Variants in SCUBE1 observed in about 807,000 individuals in gnomAD.
SCUBE1 encodes signal peptide, CUB domain and EGF like domain containing 1.
Under a neutral mutation model 124.4 loss-of-function variants are expected in SCUBE1, and 59 were observed. The observed-to-expected ratio is 0.47, with a 90% CI of 0.38 to 0.59. SCUBE1 has a LOEUF of 0.59. Among genes scored for constraint, SCUBE1 ranks in the 20% least tolerant of loss-of-function variants. The pLI is 0.00. For missense variants in SCUBE1, 1,150 were observed against 1,371.2 expected (o/e 0.84, Z 2.55); for synonymous variants, 545 against 550.9 (o/e 0.99, Z 0.15).
At chr22:43,208,027 C>T (rs1346134180) in intron 20 of SCUBE1, 45 bp downstream of exon 20, 2 of 1,607,392 alleles carry the variant, frequency 1.2e-6, no homozygotes, top group Admixed American at 1.7e-5. Context: ...CTCCAGGGCC[C>T]CGCCTGAGCC....
chr22:43,278,871 G>A (rs903601789), intron 4 of SCUBE1, among the ~76,000 whole-genome samples: 4 of 152,176 alleles, frequency 2.6e-5, no homozygotes, highest in African/African-American at 9.7e-5. Flanking sequence ...AAAGCTCCAG[G>A]AGGGTGGAGC....
At chr22:43,309,076 G>A (rs1311690080) in intron 3 of SCUBE1, among the ~76,000 whole-genome samples, 2 of 152,050 alleles carry the variant, frequency 1.3e-5, no homozygotes, top group African/African-American at 2.4e-5. Flanking sequence ...GAGGAGCAGG[G>A]CCCAGGCAAA....
intron 3 of SCUBE1, among the ~76,000 whole-genome samples, chr22:43,306,671 C>G (rs1020173896): frequency 2.6e-5 from 4 of 152,164 alleles, no homozygotes; most frequent in Non-Finnish European, 4.4e-5. Flanking sequence ...CCATGTGCCA[C>G]CTTCCTTCAC....
chr22:43,333,485 C>T (rs1926966861), intron 2 of SCUBE1, among the ~76,000 whole-genome samples: 1 of 152,188 alleles, frequency 6.6e-6, no homozygotes, highest in Admixed American at 6.5e-5. Flanking sequence ...GGGCAGGTGG[C>T]CTCCAGGGCT....
chr22:43,322,146 G>A (rs1480414096), intron 2 of SCUBE1, among the ~76,000 whole-genome samples: 1 of 152,054 alleles, frequency 6.6e-6, no homozygotes, highest in African/African-American at 2.4e-5. Context: ...ACCATGCCCG[G>A]CTAATTTTTT....
intron 7 of SCUBE1, 29 bp from the exon 8 acceptor site, chr22:43,231,904 G>C: frequency 1.9e-6 from 3 of 1,606,500 alleles, no homozygotes; most frequent in Admixed American, 1.7e-5. Context: ...ATGGAGGAGT[G>C]AGAGCCAGGA....
At chr22:43,338,430 G>C (rs1004152003) in intron 2 of SCUBE1, among the ~76,000 whole-genome samples, 1 of 152,186 alleles carries the variant, frequency 6.6e-6, no homozygotes, top group East Asian at 1.9e-4. Flanking sequence ...TGGGGGTCGG[G>C]GGGCAAGCCC....
intron 14 of SCUBE1, among the ~76,000 whole-genome samples, chr22:43,219,199 G>A (rs1346162155): frequency 6.6e-6 from 1 of 152,172 alleles, no homozygotes; most frequent in Non-Finnish European, 1.5e-5. Context: ...ATGGCCTGGT[G>A]TGGTAGTCAG....
chr22:43,319,829 C>G, intron 3 of SCUBE1, 108 bp downstream of exon 3: 1 of 1,393,824 alleles, frequency 7.2e-7, no homozygotes, highest in East Asian at 2.4e-5. Context: ...CAAACTAATA[C>G]AGGAAGCCAA....
chr22:43,225,807 T>G (rs768694341), intron 10 of SCUBE1, among the ~76,000 whole-genome samples: 13 of 151,992 alleles, frequency 8.6e-5, no homozygotes, highest in Non-Finnish European at 1.5e-4. Context: ...CACAGAGCAA[T>G]GACCCCCTAA....
At chr22:43,233,181 G>A (rs1029246098) in intron 7 of SCUBE1, among the ~76,000 whole-genome samples, 2 of 152,138 alleles carry the variant, frequency 1.3e-5, no homozygotes, top group South Asian at 4.1e-4. Flanking sequence ...CCTGGCCAAC[G>A]CGGAGAAACC....
Position 43,198,589 on chromosome 22 carries a change from C to A in SCUBE1, c.*5408G>T. The stretch of plus-strand genomic sequence containing the variant: ...ACTCCACCCCTCATTACATCCTCTG[C>A]CCTTGGCCTGAATGATGTCGGCTCG... On this transcript the variant is annotated 3_prime_UTR_variant, in exon 22 of 22. Transcript: ENST00000360835. 1 of 456,776 alleles carries A rather than the reference C, an allele frequency of 2.2e-6. No individual in the cohort carries two copies. Among genetic ancestry groups the A allele is most frequent in the Non-Finnish European group, 4.4e-6 (1 of 226,988 alleles). 28.3% of individuals were successfully genotyped at this position (456,776 alleles called of 1,614,324 possible). A position where few individuals can be genotyped will look rare whatever the true frequency, so the allele number is the denominator to read the frequency against.
chr22:43,330,968 G>A (rs937403752), intron 2 of SCUBE1, among the ~76,000 whole-genome samples: 4 of 152,064 alleles, frequency 2.6e-5, no homozygotes, highest in East Asian at 3.8e-4. Flanking sequence ...GCCTCCCACC[G>A]CCTACTGCCT....
At chr22:43,217,542 C>T (rs1463221700) in intron 15 of SCUBE1, among the ~76,000 whole-genome samples, 3 of 152,146 alleles carry the variant, frequency 2.0e-5, no homozygotes, top group Admixed American at 6.5e-5. Context: ...CGTAAGAGCG[C>T]GCATGAGCCT....
intron 2 of SCUBE1, among the ~76,000 whole-genome samples, chr22:43,324,945 T>G (rs1926673014): frequency 6.8e-6 from 1 of 146,154 alleles, no homozygotes; most frequent in South Asian, 2.3e-4. Flanking sequence ...CAAGTTCAGA[T>G]GAGGTCATAC....
chr22:43,264,701 G>C (rs1048165041), intron 4 of SCUBE1, among the ~76,000 whole-genome samples: 4 of 152,350 alleles, frequency 2.6e-5, no homozygotes, highest in Non-Finnish European at 4.4e-5. Flanking sequence ...TGCTGTTCCA[G>C]CTTCTTCACA....
At position 43,322,467 on chromosome 22, in the gene SCUBE1, C is replaced by T. The variant is rs114775323; in HGVS notation, c.221-2402G>A. Among the ~76,000 whole-genome samples the T allele has an allele frequency of 3.9e-5, 6 of 152,138 alleles. No homozygotes were observed. In the East Asian group the frequency reaches 5.8e-4, roughly 15 times the overall value. On this transcript the variant is annotated intron_variant, in intron 2 of 21. Transcript: ENST00000360835. ...TACAGTTACCTGGGGTTCCTCATCC[C>T]GGTGAATATTGTTTTCCTTCCACTG...
In SCUBE1 at chr22:43,271,729, C is replaced by T. The variant is rs374624920; in HGVS notation, c.485-8884G>A. ...CCCGGACTAGACCCCCAGCTGGCCC[C>T]GAGCCCAGCCACCCCCAGGCAGCAT... On this transcript the variant is annotated intron_variant, in intron 4 of 21. Transcript: ENST00000360835. 2.6e-5 allele frequency among the ~76,000 whole-genome samples: 4 copies of T among 152,124 alleles called. No homozygotes were observed. The South Asian group carries it at 8.3e-4, about 32-fold the overall frequency.
chr22:43,312,061 A>T (rs922972184), intron 3 of SCUBE1, among the ~76,000 whole-genome samples: 4 of 152,200 alleles, frequency 2.6e-5, no homozygotes, highest in Non-Finnish European at 4.4e-5. Context: ...GGGAGCAGGC[A>T]TTGCCCGTGC....
Sources: gnomAD v4.1 joint callset for allele counts (sites outside exome capture counted in the v4.1 genomes callset) on GRCh38, gnomAD v4.1.1 for gene constraint, MANE v1.5 for transcripts, NCBI Gene and HGNC (gene_info 2026-07-23, HGNC 2026-07-21) for gene names.